The following MTERF3 variants were observed in gnomAD, a reference collection of about 807,000 sequenced individuals.
MTERF3 encodes the protein transcription termination factor 3, mitochondrial.
Under a neutral mutation model 40.5 loss-of-function variants are expected in MTERF3, and 40 were observed. The observed-to-expected ratio is 0.99, with a 90% confidence interval of 0.77 to 1.29. The LOEUF (loss-of-function observed/expected upper bound fraction) is 1.29, where lower values mean the gene tolerates loss of function less well. Among genes scored for constraint, MTERF3 ranks in the 50% most tolerant of loss-of-function variants. MTERF3 has a pLI of 0.00. For missense variants in MTERF3, 452 were observed against 478.2 expected, an observed-to-expected ratio of 0.95 and a Z score of 0.51; for synonymous variants, 158 against 166.6, an observed-to-expected ratio of 0.95 and a Z score of 0.40.
intron 7 of MTERF3, among the ~76,000 whole-genome samples, chr8:96,242,629 A>T (rs1251672546): frequency 6.6e-6 from 1 of 152,260 alleles, no homozygotes. Context: ...CTGTGTTAAT[A>T]CAAATAAAGC....
intron 6 of MTERF3, among the ~76,000 whole-genome samples, chr8:96,244,349 TC>T (rs1174241747): frequency 6.6e-6 from 1 of 152,012 alleles, no homozygotes. Flanking sequence ...CCTCAAGTGA[TC>T]CACCCACCTT....
intron 4 of MTERF3, 107 bp from the exon 5 acceptor site, chr8:96,246,561 C>T: frequency 2.1e-6 from 2 of 956,880 alleles, no homozygotes; most frequent in South Asian, 2.1e-5. Context: ...TAAAAAGGCT[C>T]CCACACCCTA....
chr8:96,248,139 A>G (rs189269651), intron 4 of MTERF3, among the ~76,000 whole-genome samples: 1 of 152,334 alleles, frequency 6.6e-6, no homozygotes, highest in East Asian at 1.9e-4. Context: ...TAAACTGGAA[A>G]ACAACCCCTA....
chr8:96,249,801 T>C (rs1810090507), intron 4 of MTERF3, among the ~76,000 whole-genome samples: 1 of 152,180 alleles, frequency 6.6e-6, no homozygotes. Context: ...AGAAATGTCA[T>C]GACTGATTTG....
Position 96,256,972 on chromosome 8 carries a change from C to CAA in MTERF3, c.475_476dup (p.Leu159PhefsTer5). On this transcript the variant is annotated frameshift_variant, in exon 3 of 8. Transcript: ENST00000287025. LOFTEE classifies it high-confidence loss of function. The stretch of plus-strand genomic sequence containing the variant: ...TTTAGTCAAACTTACCTAGAAGAAC[C>CAA]AACTTCTGCAGAGTCTCAGAATGAT... 1 of 1,598,850 alleles carries CAA rather than the reference C, an allele frequency of 6.3e-7. No individual in the cohort carries two copies. Among genetic ancestry groups the CAA allele is most frequent in the South Asian group, 1.1e-5 (1 of 87,274 alleles).
rs189881491 is a variant in MTERF3, at chr8:96,240,077, G to T, written c.1060-392C>A. ...AGCCTGGCCAACATGGCAAAACCCT[G>T]TCTCTACTAAACATACAAAAATTAG... On this transcript the variant is annotated intron_variant, in intron 7 of 7. Coordinates refer to ENST00000287025, the MANE Select transcript of MTERF3 (RefSeq NM_015942.5). Among the ~76,000 whole-genome samples, 127 of 152,206 alleles carry T rather than the reference G, an allele frequency of 8.3e-4. No homozygotes were observed. The Middle Eastern group carries it at 0.01, about 12-fold the overall frequency.
Position 96,246,466 on chromosome 8 carries a change from T to C in MTERF3, c.678-12A>G. On this transcript the variant is annotated splice_polypyrimidine_tract_variant and intron_variant, in intron 4 of 7. Transcript: ENST00000287025. ...GCAGATAAGCCACCCTAGAGAAACA[T>C]AAATACATACGCATGTGATAAACAC... 6.3e-7 allele frequency: 1 copy of C among 1,597,118 alleles called. No homozygotes were observed. Among genetic ancestry groups the C allele is most frequent in the Non-Finnish European group, 8.5e-7 (1 of 1,173,854 alleles).
At chr8:96,256,903 A>G in intron 3 of MTERF3, 59 bp downstream of exon 3, 1 of 1,475,554 alleles carries the variant, frequency 6.8e-7, no homozygotes, top group Non-Finnish European at 9.1e-7. Context: ...TAATTTAAAA[A>G]AGTAAAAAAA....
At chr8:96,257,466 A>G (rs1810302626) in intron 2 of MTERF3, among the ~76,000 whole-genome samples, 1 of 152,230 alleles carries the variant, frequency 6.6e-6, no homozygotes, top group African/African-American at 2.4e-5. Flanking sequence ...AAAAGTACAC[A>G]TATGCCAACA....
intron 1 of MTERF3, among the ~76,000 whole-genome samples, chr8:96,260,734 A>G (rs1413986730): frequency 6.6e-6 from 1 of 152,232 alleles, no homozygotes; most frequent in Admixed American, 6.5e-5. Context: ...TTACAAGTGC[A>G]CTATCTTCTC....
At chr8:96,245,064 G>A (rs940749791) in intron 6 of MTERF3, among the ~76,000 whole-genome samples, 4 of 152,114 alleles carry the variant, frequency 2.6e-5, no homozygotes, top group Admixed American at 1.3e-4. Flanking sequence ...AACACAGGCC[G>A]GGTCCTCTAC....
intron 7 of MTERF3, 196 bp from the exon 8 acceptor site, chr8:96,239,881 A>G: frequency 1.4e-6 from 1 of 699,510 alleles, no homozygotes; most frequent in Non-Finnish European, 2.6e-6. Context: ...CAAAATCAAC[A>G]TACAAAACAA....
intron 3 of MTERF3, among the ~76,000 whole-genome samples, chr8:96,254,216 A>G (rs547172308): frequency 6.6e-5 from 10 of 152,340 alleles, no homozygotes; most frequent in African/African-American, 2.4e-4. Context: ...TACATAGTGG[A>G]ACGATTAAAT....
At chr8:96,240,728 C>G (rs1416032991) in intron 7 of MTERF3, among the ~76,000 whole-genome samples, 1 of 152,124 alleles carries the variant, frequency 6.6e-6, no homozygotes, top group Non-Finnish European at 1.5e-5. Flanking sequence ...TCAGAGGAAG[C>G]CCTTTCAATA....
intron 7 of MTERF3, among the ~76,000 whole-genome samples, chr8:96,242,806 G>A (rs914253115): frequency 6.6e-5 from 10 of 152,142 alleles, no homozygotes; most frequent in Non-Finnish European, 1.3e-4. Flanking sequence ...AGTTCCACAA[G>A]AACAGAGATC....
chr8:96,252,828 T>C (rs1201220842), intron 3 of MTERF3, among the ~76,000 whole-genome samples: 2 of 152,244 alleles, frequency 1.3e-5, no homozygotes, highest in African/African-American at 4.8e-5. Flanking sequence ...ACACCCTGAC[T>C]GTGCTCGAAC....
chr8:96,241,913 G>A (rs1809937921), intron 7 of MTERF3, among the ~76,000 whole-genome samples: 1 of 152,112 alleles, frequency 6.6e-6, no homozygotes, highest in Non-Finnish European at 1.5e-5. Flanking sequence ...CCTTAGCCTA[G>A]TGATTTCTTC....
intron 3 of MTERF3, among the ~76,000 whole-genome samples, chr8:96,253,210 C>T (rs1326151115): frequency 1.3e-5 from 2 of 152,062 alleles, no homozygotes; most frequent in Non-Finnish European, 1.5e-5. Context: ...CTCTATACAG[C>T]GGTGTGAGCA....
intron 7 of MTERF3, 39 bp from the exon 8 acceptor site, chr8:96,239,724 CG>C (rs1563542994): frequency 1.3e-6 from 2 of 1,488,066 alleles, no homozygotes; most frequent in Non-Finnish European, 1.8e-6. Flanking sequence ...ACACTGCACA[CG>C]GGAGGATGAA....
Sources: gnomAD v4.1 joint callset for allele counts (sites outside exome capture counted in the v4.1 genomes callset) on GRCh38, gnomAD v4.1.1 for gene constraint, MANE v1.5 for transcripts, NCBI Gene and HGNC (gene_info 2026-07-23, HGNC 2026-07-21) for gene names.